Variants in VPS41 observed in about 807,000 individuals in gnomAD.
VPS41 encodes the protein VPS41 subunit of HOPS complex.
Under a neutral mutation model 130.9 loss-of-function variants are expected in VPS41, and 85 were observed. That is an observed-to-expected ratio of 0.65 (90% CI 0.55 to 0.78). The LOEUF (loss-of-function observed/expected upper bound fraction) is 0.78. VPS41 is among the 30% of genes least tolerant of loss of function. VPS41 has a pLI of 0.00. For synonymous variants in VPS41, 335 were observed against 332.9 expected (o/e 1.01, Z -0.07); for missense variants, 874 against 1,018.7 (o/e 0.86, Z 1.93).
chr7:38,789,910 A>T, intron 9 of VPS41, 43 bp from the exon 10 acceptor site: 1 of 1,599,608 alleles, frequency 6.3e-7, no homozygotes, highest in Non-Finnish European at 8.6e-7. Context: ...TTTGATGGAA[A>T]ATTCTTCATA....
intron 7 of VPS41, among the ~76,000 whole-genome samples, chr7:38,801,655 G>A (rs1784728533): frequency 6.6e-6 from 1 of 152,172 alleles, no homozygotes; most frequent in East Asian, 1.9e-4. Flanking sequence ...TTTTCTCACT[G>A]CACAACTAAC....
intron 2 of VPS41, among the ~76,000 whole-genome samples, chr7:38,880,415 A>G (rs1786580034): frequency 1.3e-5 from 2 of 152,202 alleles, no homozygotes; most frequent in Non-Finnish European, 2.9e-5. Context: ...AGGAATGTAA[A>G]AGGAAATGCT....
chr7:38,782,615 T>C (rs572670102), intron 10 of VPS41, among the ~76,000 whole-genome samples: 2 of 152,336 alleles, frequency 1.3e-5, no homozygotes, highest in Non-Finnish European at 2.9e-5. Flanking sequence ...ATTGCTGTTA[T>C]ACATGTTTTA....
chr7:38,862,518 A>T, intron 4 of VPS41, 27 bp downstream of exon 4: 1 of 1,386,100 alleles, frequency 7.2e-7, no homozygotes, highest in Non-Finnish European at 1.0e-6. Flanking sequence ...AGTTTAGCTC[A>T]TACATTATTT....
chr7:38,815,751 G>C (rs1006933264), intron 7 of VPS41, among the ~76,000 whole-genome samples: 1 of 152,104 alleles, frequency 6.6e-6, no homozygotes, highest in African/African-American at 2.4e-5. Flanking sequence ...GACTGGCTTA[G>C]CCTCCCAGCC....
chr7:38,725,960 AACTCC>A lies in VPS41; in HGVS notation c.*281_*285del, dbSNP rs764786560. On this transcript the variant is annotated 3_prime_UTR_variant, in exon 29 of 29. Coordinates refer to ENST00000310301, the MANE Select transcript of VPS41 (RefSeq NM_014396.4). The stretch of plus-strand genomic sequence containing the variant: ...ACTAAGGTCTAAAAAATTCATTTCT[AACTCC>A]TAGACTTATGTTTCCATTACTATAT... 8.8e-4 allele frequency: 229 copies of A among 259,198 alleles called. 1 individual carries two copies. Among genetic ancestry groups the A allele is most frequent in the Non-Finnish European group, 1.4e-3 (191 of 138,200 alleles). The allele number at this position is 259,198 out of a possible 1,614,324, so 16.1% of individuals were successfully genotyped here. A position where few individuals can be genotyped will look rare whatever the true frequency, so the allele number is the denominator to read the frequency against.
chr7:38,876,656 T>C (rs1786498416), intron 2 of VPS41, among the ~76,000 whole-genome samples: 1 of 151,202 alleles, frequency 6.6e-6, no homozygotes, highest in Non-Finnish European at 1.5e-5. Flanking sequence ...AAGATTTTTA[T>C]CTCTCAAAGC....
intron 2 of VPS41, among the ~76,000 whole-genome samples, chr7:38,890,408 A>C (rs1001864422): frequency 6.6e-6 from 1 of 152,180 alleles, no homozygotes; most frequent in Non-Finnish European, 1.5e-5. Context: ...TGACCAAAAA[A>C]AGATAGCACA....
chr7:38,770,086 A>G (rs1347093351), intron 14 of VPS41, among the ~76,000 whole-genome samples: 2 of 152,100 alleles, frequency 1.3e-5, no homozygotes, highest in Non-Finnish European at 2.9e-5. Flanking sequence ...CCTGACCAAC[A>G]TGGAGAAGTC....
chr7:38,890,972 G>A (rs1786852297), intron 2 of VPS41, among the ~76,000 whole-genome samples: 1 of 151,934 alleles, frequency 6.6e-6, no homozygotes, highest in African/African-American at 2.4e-5. Context: ...TTAACTACAT[G>A]TGAATATACG....
chr7:38,734,940 G>A (rs535139449), intron 25 of VPS41, among the ~76,000 whole-genome samples: 25 of 152,202 alleles, frequency 1.6e-4, no homozygotes, highest in Admixed American at 3.3e-4. Context: ...TCTTGAAAAA[G>A]CTTTGCTTTC....
In VPS41 at chr7:38,772,654, A is replaced by T. The variant is rs781140433; in HGVS notation, c.1013-17T>A. The T allele has an allele frequency of 1.3e-6, 2 of 1,570,880 alleles. No individual in the cohort carries two copies. The highest frequency in any genetic ancestry group is 2.7e-5 in the African/African-American group (2 of 73,952). ...CAGAGTATTCTGTAGGTGAGAAAAG[A>T]GAGGAACGACTTGGTGACTGAACAG... On this transcript the variant is annotated splice_polypyrimidine_tract_variant and intron_variant, in intron 12 of 28. Transcript: ENST00000310301.
chr7:38,805,273 G>A (rs762483130), intron 7 of VPS41, among the ~76,000 whole-genome samples: 1 of 152,178 alleles, frequency 6.6e-6, no homozygotes, highest in Admixed American at 6.5e-5. Flanking sequence ...AGTGGCTCAC[G>A]CCTGTAATCC....
intron 3 of VPS41, among the ~76,000 whole-genome samples, chr7:38,865,223 A>G (rs1420642612): frequency 6.6e-6 from 1 of 152,214 alleles, no homozygotes; most frequent in African/African-American, 2.4e-5. Context: ...ATTAAAAGCT[A>G]AAACACTCAA....
At chr7:38,789,748 G>A (rs978832939) in intron 10 of VPS41, 53 bp downstream of exon 10, 80 of 1,594,774 alleles carry the variant, frequency 5.0e-5, no homozygotes, top group Admixed American at 8.4e-5. Context: ...TAATGAAGAC[G>A]AAAATTTTGA....
In VPS41 at chr7:38,743,485, A is replaced by G; in HGVS notation, c.2039T>C (p.Val680Ala). Residue 680 changes from valine to alanine, a missense_variant, in exon 24 of 29, where the codon GTT (valine) becomes GCT (alanine). Physicochemically the swap from Val to Ala is moderately conservative, Grantham distance 64. Transcript: ENST00000310301. ...CTTGGCAAATTCGATTGCTTTATCA[A>G]CATCATGTAATTCCTCCATAATCAT... ...LKMIMEELHD[V>A]DKAIEFAKEQ... 1 of 1,614,034 alleles carries G rather than the reference A, an allele frequency of 6.2e-7. No homozygotes were observed. Among genetic ancestry groups the G allele is most frequent in the South Asian group, 1.1e-5 (1 of 91,076 alleles).
chr7:38,795,377 T>C (rs1012661760), intron 9 of VPS41, 88 bp downstream of exon 9: 46 of 1,209,236 alleles, frequency 3.8e-5, no homozygotes, highest in Non-Finnish European at 4.8e-5. Context: ...ATTTGGGTCC[T>C]AGAAGCCAAT....
At chr7:38,735,117 T>C (rs1795738174) in intron 25 of VPS41, among the ~76,000 whole-genome samples, 2 of 152,214 alleles carry the variant, frequency 1.3e-5, no homozygotes, top group Admixed American at 1.3e-4. Context: ...CTACAGCTGG[T>C]TGTCACAGGC....
chr7:38,798,754 G>C (rs1311404547), intron 7 of VPS41, among the ~76,000 whole-genome samples: 2 of 152,062 alleles, frequency 1.3e-5, no homozygotes, highest in Admixed American at 6.5e-5. Context: ...AGAACAGCAG[G>C]GTGGGACACA....
Sources: allele counts gnomAD v4.1 joint callset (sites outside exome capture counted in the v4.1 genomes callset), GRCh38; gene constraint gnomAD v4.1.1; transcripts MANE v1.5; gene names NCBI Gene and HGNC (gene_info 2026-07-23, HGNC 2026-07-21).